The following PRKG1 variants were observed in gnomAD, a reference collection of about 807,000 sequenced individuals.
PRKG1 encodes the protein protein kinase cGMP-dependent 1, also known as cGMP-dependent protein kinase 1.
Under a neutral mutation model 88.1 loss-of-function variants are expected in PRKG1, and 35 were observed. The observed-to-expected ratio is 0.40, with a 90% CI of 0.30 to 0.53. PRKG1 has a LOEUF of 0.53. Among genes scored for constraint, PRKG1 ranks in the 20% least tolerant of loss-of-function variants. The pLI is 0.59. For synonymous variants in PRKG1, 303 were observed against 292.5 expected (o/e 1.04, Z -0.37); for missense variants, 540 against 839.8 (o/e 0.64, Z 4.41).
chr10:52,079,878 C>T (rs1263668739), intron 7 of PRKG1, among the ~76,000 whole-genome samples: 1 of 152,056 alleles, frequency 6.6e-6, no homozygotes, highest in Non-Finnish European at 1.5e-5. Context: ...GTATGGGGGC[C>T]TCCATTTACA....
intron 4 of PRKG1, among the ~76,000 whole-genome samples, chr10:51,878,302 A>G (rs1841351485): frequency 6.6e-6 from 1 of 151,912 alleles, no homozygotes; most frequent in Non-Finnish European, 1.5e-5. Flanking sequence ...TGAACACTTT[A>G]TTATTTCACA....
intron 1 of PRKG1, among the ~76,000 whole-genome samples, chr10:51,065,433 A>G (rs1843737942): frequency 1.3e-5 from 2 of 152,150 alleles, no homozygotes; most frequent in Non-Finnish European, 2.9e-5. Flanking sequence ...ACAGGAAGAA[A>G]ACATAGTTAC....
intron 3 of PRKG1, among the ~76,000 whole-genome samples, chr10:51,757,454 A>T (rs933373579): frequency 6.6e-6 from 1 of 152,142 alleles, no homozygotes; most frequent in Non-Finnish European, 1.5e-5. Context: ...TATAGATAAG[A>T]CTGGAACAAA....
chr10:51,292,756 C>T (rs1589323227), intron 2 of PRKG1, among the ~76,000 whole-genome samples: 2 of 152,126 alleles, frequency 1.3e-5, no homozygotes, highest in Non-Finnish European at 1.5e-5. Flanking sequence ...TGGGTGTCTA[C>T]GCACCTTATA....
At chr10:51,543,128 A>G (rs999410827) in intron 3 of PRKG1, among the ~76,000 whole-genome samples, 6 of 152,188 alleles carry the variant, frequency 3.9e-5, no homozygotes, top group Non-Finnish European at 8.8e-5. Context: ...GGGTTATGCA[A>G]TAGAGTTTTG....
chr10:51,316,550 C>A (rs557214188), intron 2 of PRKG1, among the ~76,000 whole-genome samples: 3 of 151,936 alleles, frequency 2.0e-5, no homozygotes, highest in Non-Finnish European at 4.4e-5. Flanking sequence ...GGCCTGATGG[C>A]GGGCACCTGT....
intron 2 of PRKG1, among the ~76,000 whole-genome samples, chr10:51,352,152 T>C (rs1173831587): frequency 6.6e-6 from 1 of 152,186 alleles, no homozygotes; most frequent in African/African-American, 2.4e-5. Context: ...TGTAGCCCTG[T>C]AGTATAGTTT....
intron 2 of PRKG1, among the ~76,000 whole-genome samples, chr10:51,191,304 C>T (rs1368360175): frequency 1.3e-5 from 2 of 151,766 alleles, no homozygotes; most frequent in Non-Finnish European, 2.9e-5. Flanking sequence ...TTGTTTGAAT[C>T]TCCTTTTTTC....
At chr10:52,080,186 C>A in intron 7 of PRKG1, among the ~76,000 whole-genome samples, 1 of 152,262 alleles carries the variant, frequency 6.6e-6, no homozygotes, top group South Asian at 2.1e-4. Context: ...TCTGCCTCTG[C>A]GTATTTAAAT....
At chr10:52,013,710 A>G (rs944645971) in intron 5 of PRKG1, among the ~76,000 whole-genome samples, 1 of 152,172 alleles carries the variant, frequency 6.6e-6, no homozygotes, top group African/African-American at 2.4e-5. Flanking sequence ...TTTGACTTTA[A>G]TGTGTGTTTG....
At chr10:52,268,524 A>G (rs1237908358) in intron 10 of PRKG1, among the ~76,000 whole-genome samples, 1 of 152,056 alleles carries the variant, frequency 6.6e-6, no homozygotes, top group Non-Finnish European at 1.5e-5. Flanking sequence ...CATGCCTAGC[A>G]TAAGTTAAGC....
In PRKG1 at chr10:51,880,749, T is replaced by G. The variant is rs530562906; in HGVS notation, c.699-26758T>G. 2.6e-5 allele frequency among the ~76,000 whole-genome samples: 4 copies of G among 152,216 alleles called. No homozygotes were observed. The South Asian group carries it at 6.2e-4, about 24-fold the overall frequency. ...ACAAATGGAGAGGAGGATGGTAAAT[T>G]CCAAGGACAAGAACACTAATGTATG... On this transcript the variant is annotated intron_variant, in intron 4 of 17. Transcript: ENST00000373980.
intron 3 of PRKG1, among the ~76,000 whole-genome samples, chr10:51,547,566 G>A (rs1842471898): frequency 6.6e-6 from 1 of 152,014 alleles, no homozygotes; most frequent in African/African-American, 2.4e-5. Context: ...TTGTCTAGAT[G>A]ATCTCATGAC....
At chr10:51,378,142 TG>T (rs1195945798) in intron 2 of PRKG1, among the ~76,000 whole-genome samples, 3 of 152,186 alleles carry the variant, frequency 2.0e-5, no homozygotes, top group Non-Finnish European at 4.4e-5. Context: ...AAGTATGAAT[TG>T]AGAAAATTAC....
intron 12 of PRKG1, among the ~76,000 whole-genome samples, chr10:52,279,905 C>A (rs552442862): frequency 6.6e-6 from 1 of 151,142 alleles, no homozygotes; most frequent in Admixed American, 6.6e-5. Context: ...TTAAGAAGTA[C>A]CATGAAAAAA....
At chr10:51,695,314 C>T (rs1342504926) in intron 3 of PRKG1, among the ~76,000 whole-genome samples, 1 of 152,170 alleles carries the variant, frequency 6.6e-6, no homozygotes, top group Non-Finnish European at 1.5e-5. Flanking sequence ...ATAGTTATTT[C>T]AACTGTCAAA....
chr10:52,200,767 T>C (rs369628350), intron 9 of PRKG1, among the ~76,000 whole-genome samples: 44 of 152,246 alleles, frequency 2.9e-4, no homozygotes, highest in African/African-American at 9.6e-4. Flanking sequence ...TGTGAAATGA[T>C]ATCTCATTGT....
chr10:52,128,529 A>C, intron 7 of PRKG1: 2 of 985,440 alleles, frequency 2.0e-6, no homozygotes, highest in Non-Finnish European at 2.4e-6. Flanking sequence ...GACGAAGTTC[A>C]AAGAATATCA....
intron 7 of PRKG1, among the ~76,000 whole-genome samples, chr10:52,072,418 A>G (rs1428779981): frequency 6.6e-6 from 1 of 152,044 alleles, no homozygotes; most frequent in African/African-American, 2.4e-5. Flanking sequence ...TTCAGGATTT[A>G]TAAAGAGGAG....
Sources: allele counts gnomAD v4.1 joint callset (sites outside exome capture counted in the v4.1 genomes callset), GRCh38; gene constraint gnomAD v4.1.1; transcripts MANE v1.5; gene names NCBI Gene and HGNC (gene_info 2026-07-23, HGNC 2026-07-21).